PRRT1B: variants seen among roughly 807,000 people sequenced by gnomAD.
PRRT1B encodes proline rich transmembrane protein 1B, also known as dispanin subfamily D member 2.
rs57583271 is a variant in PRRT1B, at chr9:131,551,469, T to G, written c.26-3088T>G. On this transcript the variant is annotated intron_variant, in intron 1 of 3. Coordinates refer to ENST00000636672, the Ensembl canonical transcript of PRRT1B. This position sits in a 1 kb window ranked among gnomAD's most constrained non-coding sequence, Gnocchi z 4.4. ...CATACCACCCCCAAAAAATTTTCGC[T>G]GCCCCAACACTTCAACATTATTTTG... Among the ~76,000 whole-genome samples the G allele has an allele frequency of 0.1, 15,436 of 152,064 alleles. 1,091 individuals carry two copies. The highest frequency in any genetic ancestry group is 0.18 in the African/African-American group (7,378 of 41,430).
At chr9:131,546,366 C>A (rs1238735140) in intron 1 of PRRT1B, among the ~76,000 whole-genome samples, 6 of 152,262 alleles carry the variant, frequency 3.9e-5, no homozygotes, top group African/African-American at 1.4e-4. Flanking sequence ...AAGGCTGCGA[C>A]CAACTCGACG....
At chr9:131,554,588 C>T (rs1252420265) in exon 2 of PRRT1B, 2 of 396,248 alleles carry the variant, frequency 5.0e-6, no homozygotes, top group African/African-American at 2.1e-5. Context: ...GCAGCCCCGC[C>T]ACCCCCGAGG....
chr9:131,558,057 G>C (rs141795196), exon 4 of PRRT1B: 3 of 399,598 alleles, frequency 7.5e-6, no homozygotes, highest in African/African-American at 2.1e-5. Context: ...TTGCAGGCCC[G>C]TGCAGCACTG....
rs549825970 is a variant in PRRT1B, at chr9:131,547,065, C to CTTTTT, written c.25+1445_25+1449dup. ...AGAGCAGAGCCTGGCCTCCTGTTCG[C>CTTTTT]TTTTTTTTTTTTTTTTTTTTTTTTG... On this transcript the variant is annotated intron_variant, in intron 1 of 3. Transcript: ENST00000636672. Among the ~76,000 whole-genome samples, 536 of 100,710 alleles carry CTTTTT rather than the reference C, an allele frequency of 5.3e-3. 48 individuals carry two copies. The highest frequency in any genetic ancestry group is 0.016 in the African/African-American group (319 of 20,468). The allele number at this position is 100,710 out of a possible 152,430, so 66.1% of individuals were successfully genotyped here.
intron 3 of PRRT1B, among the ~76,000 whole-genome samples, chr9:131,556,887 C>T (rs927804470): frequency 6.6e-6 from 1 of 152,022 alleles, no homozygotes; most frequent in African/African-American, 2.4e-5. Context: ...CTTGCCTCAG[C>T]CTCCCAAAGT....
intron 1 of PRRT1B, among the ~76,000 whole-genome samples, chr9:131,546,426 C>T (rs1467561278): frequency 6.6e-6 from 1 of 152,082 alleles, no homozygotes; most frequent in African/African-American, 2.4e-5. Context: ...GGCAAGGAAC[C>T]GAGACCTCGT....
At chr9:131,552,838 A>ATTT (rs1951020594) in intron 1 of PRRT1B, among the ~76,000 whole-genome samples, 1 of 107,828 alleles carries the variant, frequency 9.3e-6, no homozygotes. Flanking sequence ...ACACCTGGTT[A>ATTT]ATTTTTTTTT....
chr9:131,547,698 G>C (rs914049842), intron 1 of PRRT1B, among the ~76,000 whole-genome samples: 2 of 152,140 alleles, frequency 1.3e-5, no homozygotes, highest in African/African-American at 4.8e-5. Flanking sequence ...TGCTCCGTGA[G>C]AAAGATCCAC....
intron 1 of PRRT1B, among the ~76,000 whole-genome samples, chr9:131,552,905 C>A (rs1435477480): frequency 6.8e-6 from 1 of 147,014 alleles, no homozygotes; most frequent in African/African-American, 2.5e-5. Context: ...TGGGTGGTCT[C>A]GAACTGCTGA....
intron 1 of PRRT1B, 136 bp from the exon 2 acceptor site, chr9:131,554,421 T>C (rs12348364): frequency 0.67 from 244,700 of 367,610 alleles, 83,447 homozygotes; most frequent in African/African-American, 0.92. Flanking sequence ...GGCCTGTTTT[T>C]TAGTCCCTTT....
intron 2 of PRRT1B, 23 bp downstream of exon 2, chr9:131,555,052 G>A (rs879443171): frequency 7.5e-4 from 293 of 390,604 alleles, no homozygotes; most frequent in Non-Finnish European, 1.1e-3. Flanking sequence ...CGCCCTGGGC[G>A]CGCTCCCCTC....
exon 2 of PRRT1B, chr9:131,554,957 G>C: frequency 5.1e-6 from 2 of 390,112 alleles, no homozygotes; most frequent in Non-Finnish European, 9.0e-6. Context: ...CGCCCGCCCA[G>C]CTCTACCCAG....
intron 3 of PRRT1B, among the ~76,000 whole-genome samples, chr9:131,557,520 G>A (rs1236046879): frequency 6.6e-6 from 1 of 152,114 alleles, no homozygotes; most frequent in South Asian, 2.1e-4. Flanking sequence ...CCTGTGAGAC[G>A]GAGCAAGACT....
rs2132008435 is a variant in PRRT1B, at chr9:131,551,070, G to A, written c.26-3487G>A. Among the ~76,000 whole-genome samples the A allele has an allele frequency of 6.7e-6, 1 of 149,284 alleles. No homozygotes were observed. On this transcript the variant is annotated intron_variant, in intron 1 of 3. Transcript: ENST00000636672. The surrounding 1 kb of genome is among the most constrained non-coding windows in gnomAD (Gnocchi z 4.4). ...CCATTCTTCTGCCTCAGCCTCCCGA[G>A]TAGCTGGGACTACAGGCACCCGCCA...
chr9:131,549,575 G>A lies in PRRT1B; in HGVS notation c.25+3935G>A, dbSNP rs912716653. Among the ~76,000 whole-genome samples, 20 of 152,168 alleles carry A rather than the reference G, an allele frequency of 1.3e-4. 1 individual carries two copies. Among genetic ancestry groups the A allele is most frequent in the Admixed American group, 4.6e-4 (7 of 15,272 alleles). The stretch of plus-strand genomic sequence containing the variant: ...GGCTGAAGACTCACGCTGCCCGATC[G>A]CCTCAGAAGCCCCCTAGACCATCAC... On this transcript the variant is annotated intron_variant, in intron 1 of 3. Coordinates refer to ENST00000636672, the Ensembl canonical transcript of PRRT1B.
chr9:131,545,846 G>C (rs1950970902), intron 1 of PRRT1B, among the ~76,000 whole-genome samples: 1 of 151,930 alleles, frequency 6.6e-6, no homozygotes, highest in Non-Finnish European at 1.5e-5. Flanking sequence ...GGTGGGGCGG[G>C]TGCTGGAGGG....
intron 1 of PRRT1B, among the ~76,000 whole-genome samples, chr9:131,548,572 A>G (rs918900419): frequency 2.0e-5 from 3 of 152,264 alleles, no homozygotes; most frequent in Middle Eastern, 3.4e-3. Context: ...TCTTTTACAC[A>G]TCGGTCCCTC....
At chr9:131,547,537 C>T (rs1275498226) in intron 1 of PRRT1B, among the ~76,000 whole-genome samples, 1 of 152,186 alleles carries the variant, frequency 6.6e-6, no homozygotes, top group African/African-American at 2.4e-5. Context: ...TTTTCGGACT[C>T]AGCCTACCTG....
At chr9:131,550,016 A>T (rs1272732982) in intron 1 of PRRT1B, among the ~76,000 whole-genome samples, 1 of 151,874 alleles carries the variant, frequency 6.6e-6, no homozygotes, top group Non-Finnish European at 1.5e-5. Context: ...ACCCCTTACC[A>T]TCCTATTAAA....
Sources: gnomAD v4.1 joint callset for allele counts (sites outside exome capture counted in the v4.1 genomes callset) on GRCh38, gnomAD v4.1.1 for gene constraint, Gnocchi (gnomAD v3.1) non-coding constraint, MANE v1.5 for transcripts, NCBI Gene and HGNC (gene_info 2026-07-23, HGNC 2026-07-21) for gene names.